The following PDIA6 variants were observed in gnomAD, a reference collection of about 807,000 sequenced individuals.
The protein encoded by PDIA6 is protein disulfide isomerase family A member 6, also known as protein disulfide-isomerase A6.
A neutral mutation model predicts 58.4 loss-of-function variants in PDIA6; 29 were observed. The ratio of observed to expected loss-of-function variants is 0.50; its 90% confidence interval spans 0.37 to 0.68. The LOEUF (loss-of-function observed/expected upper bound fraction) is 0.68. PDIA6 is among the 30% of genes least tolerant of loss of function. The probability of loss-of-function intolerance (pLI) is 0.00; values close to 1 mark genes in which losing one functional copy is unlikely to be tolerated. For missense variants in PDIA6, 480 were observed against 551.0 expected, an observed-to-expected ratio of 0.87 and a Z score of 1.29; for synonymous variants, 192 against 202.6, an observed-to-expected ratio of 0.95 and a Z score of 0.44.
Position 10,790,775 on chromosome 2 carries a change from C to A in PDIA6, c.643G>T (p.Val215Leu). 6.2e-7 allele frequency: 1 copy of A among 1,614,216 alleles called. No homozygotes were observed. The change falls in exon 7 of 13, where the codon GTG (valine) becomes TTG (leucine). Residue 215 changes from valine (V) to leucine (L), a missense_variant. Physicochemically the swap from Val to Leu is conservative, Grantham distance 32. Transcript: ENST00000272227. The part of the protein sequence containing the change: ...SEVKEQTKGK[V>L]KLAAVDATVN... ...GTAGCATCCACAGCTGCCAGTTTCA[C>A]TTTTCCTTTCGTCTGCTCTTTTACT...
chr2:10,836,412 A>C (rs1472188095), upstream of PDIA6, among the ~76,000 whole-genome samples: 1 of 152,048 alleles, frequency 6.6e-6, no homozygotes, highest in East Asian at 1.9e-4. Context: ...GGAGTCTCAC[A>C]AAGTTGCCCA....
intron 5 of PDIA6, among the ~76,000 whole-genome samples, chr2:10,792,661 T>C (rs1456740632): frequency 2.6e-5 from 4 of 152,218 alleles, no homozygotes; most frequent in Non-Finnish European, 5.9e-5. Flanking sequence ...TCTCTCTCTC[T>C]CTTCTTCCCT....
At position 10,787,366 on chromosome 2, in the gene PDIA6, C is replaced by G; in HGVS notation, c.1072G>C (p.Ala358Pro). The change falls in exon 11 of 13, where the codon GCC becomes CCC. Residue 358 changes from alanine (A) to proline (P), a missense_variant. Ala to Pro is a conservative substitution (Grantham distance 27). Coordinates refer to ENST00000272227, the MANE Select transcript of PDIA6 (RefSeq NM_005742.4). ...TTGCGTGCATTGATGGCGGCCATGG[C>G]GGGGTACCCAAACCCTCCAATCCCC... ...ALGIGGFGYP[A>P]MAAINARKMK... 1 of 1,614,090 alleles carries G rather than the reference C, an allele frequency of 6.2e-7. No homozygotes were observed. Among genetic ancestry groups the G allele is most frequent in the Non-Finnish European group, 8.5e-7 (1 of 1,179,992 alleles).
intron 1 of PDIA6, chr2:10,820,788 C>G (rs1286798105): frequency 7.1e-6 from 5 of 702,918 alleles, no homozygotes; most frequent in Non-Finnish European, 7.8e-6. Context: ...GAAGTCGGAG[C>G]TGATGTTGGC....
At chr2:10,790,077 C>A (rs1440874552) in intron 7 of PDIA6, among the ~76,000 whole-genome samples, 188 bp from the exon 8 acceptor site, 1 of 151,488 alleles carries the variant, frequency 6.6e-6, no homozygotes, top group African/African-American at 2.4e-5. Context: ...CTCCTGGGTT[C>A]AAGCAATTCT....
Position 10,788,822 on chromosome 2 carries a change from A to T in PDIA6, c.926-53T>A, listed in dbSNP as rs1665902080. ...AGGTAAAGATAAAGGAGTCCATAAA[A>T]TTAATCCATTTAGAAAGTATTCTCA... On this transcript the variant is annotated intron_variant, in intron 9 of 12. Coordinates refer to ENST00000272227, the MANE Select transcript of PDIA6 (RefSeq NM_005742.4). The T allele has an allele frequency of 5.1e-6, 8 of 1,561,312 alleles. No homozygotes were observed. In the South Asian group the frequency reaches 8.9e-5, roughly 17 times the overall value.
In PDIA6 at chr2:10,799,803, C is replaced by CATACATA. The variant is rs1313745313; in HGVS notation, c.162-2053_162-2047dup. ...GATCTGCACATACATCATAATGCCACATACATATAAATATGGCATACAGTC... is the reference window on the plus strand; with the variant it reads ...GATCTGCACATACATCATAATGCCACATACATAATACATATAAATATGGCATACAGTC... On this transcript the variant is annotated intron_variant, in intron 2 of 12. Transcript: ENST00000272227. 2.0e-5 allele frequency among the ~76,000 whole-genome samples: 3 copies of CATACATA among 151,250 alleles called. No homozygotes were observed. In the East Asian group the frequency reaches 5.8e-4, roughly 29 times the overall value.
chr2:10,835,773 C>T (rs1667819503), upstream of PDIA6, among the ~76,000 whole-genome samples: 1 of 152,158 alleles, frequency 6.6e-6, no homozygotes, highest in South Asian at 2.1e-4. Context: ...GAGAGGGGGC[C>T]GGGCGCGGTG....
At chr2:10,832,713 C>T (rs1228034936), upstream of PDIA6, among the ~76,000 whole-genome samples, 1 of 152,224 alleles carries the variant, frequency 6.6e-6, no homozygotes, top group Non-Finnish European at 1.5e-5. Context: ...CATCTCCCGC[C>T]TCGGTCTTCC....
upstream of PDIA6, among the ~76,000 whole-genome samples, chr2:10,813,705 G>T (rs1190824172): frequency 1.3e-5 from 2 of 151,710 alleles, no homozygotes; most frequent in African/African-American, 4.9e-5. Flanking sequence ...GCGGGGTCTT[G>T]GCTCACTGCA....
At chr2:10,808,643 T>G (rs1395338925) in intron 1 of PDIA6, among the ~76,000 whole-genome samples, 1 of 152,096 alleles carries the variant, frequency 6.6e-6, no homozygotes, top group Non-Finnish European at 1.5e-5. Context: ...TCCTTTTCCA[T>G]TTCAAGAGGT....
chr2:10,820,699 T>G (rs978677991), intron 1 of PDIA6: 1 of 697,472 alleles, frequency 1.4e-6, no homozygotes, highest in Non-Finnish European at 2.6e-6. Context: ...CTAAATAATT[T>G]CTTTCTACCT....
At position 10,784,165 on chromosome 2, in the gene PDIA6, G is replaced by C. The variant is rs1182933978; in HGVS notation, c.*93C>G. On this transcript the variant is annotated 3_prime_UTR_variant, in exon 13 of 13. Transcript: ENST00000272227. ...CTTCTTGGTTAAAAGGCCACTGGTA[G>C]AGTCATCTGAGTGTAGAGAATGTCC... 1 of 872,104 alleles carries C rather than the reference G, an allele frequency of 1.1e-6. No homozygotes were observed. Among genetic ancestry groups the C allele is most frequent in the East Asian group, 2.5e-5 (1 of 39,976 alleles). 54.0% of individuals were successfully genotyped at this position (872,104 alleles called of 1,614,324 possible).
At chr2:10,826,706 T>G (rs149110928) in intron 1 of PDIA6, among the ~76,000 whole-genome samples, 54 of 152,278 alleles carry the variant, frequency 3.5e-4, no homozygotes, top group Middle Eastern at 3.4e-3. Flanking sequence ...GTGGATTATA[T>G]CTCAATAAAA....
chr2:10,828,154 G>T (rs967358688), intron 1 of PDIA6, among the ~76,000 whole-genome samples: 4 of 152,152 alleles, frequency 2.6e-5, no homozygotes, highest in Non-Finnish European at 5.9e-5. Flanking sequence ...CACACTTGGT[G>T]TTGTGCATTC....
intron 1 of PDIA6, among the ~76,000 whole-genome samples, chr2:10,832,036 AAG>A (rs1667724528): frequency 1.3e-5 from 2 of 151,468 alleles, no homozygotes; most frequent in African/African-American, 2.4e-5. Flanking sequence ...AAAAAAAAAA[AAG>A]AGGAGAGAAT....
upstream of PDIA6, chr2:10,832,610 T>A: frequency 6.1e-6 from 1 of 164,406 alleles, no homozygotes; most frequent in Non-Finnish European, 1.3e-5. Context: ...GTATGTGCTG[T>A]ACTTAGATAC....
At chr2:10,784,375 T>G in intron 12 of PDIA6, 49 bp from the exon 13 acceptor site, 3 of 1,469,172 alleles carry the variant, frequency 2.0e-6, no homozygotes, top group Non-Finnish European at 2.8e-6. Context: ...GGGGACACCC[T>G]GGAAGGTCAA....
At chr2:10,815,139 T>C (rs1686502), upstream of PDIA6, among the ~76,000 whole-genome samples, 55 of 63,196 alleles carry the variant, frequency 8.7e-4, no homozygotes, top group Non-Finnish European at 1.8e-3. Context: ...CACAGGCTTC[T>C]GGAAATGCAC....
Sources: allele counts gnomAD v4.1 joint callset (sites outside exome capture counted in the v4.1 genomes callset), GRCh38; gene constraint gnomAD v4.1.1; transcripts MANE v1.5; gene names NCBI Gene and HGNC (gene_info 2026-07-23, HGNC 2026-07-21).